The following SLC6A16 variants were observed in gnomAD, a reference collection of about 807,000 sequenced individuals.
The protein encoded by SLC6A16 is orphan sodium- and chloride-dependent neurotransmitter transporter NTT5.
Under a neutral mutation model 65.4 loss-of-function variants are expected in SLC6A16, and 54 were observed. That is an observed-to-expected ratio of 0.83 (90% CI 0.66 to 1.04). SLC6A16 has a LOEUF of 1.04. Ranked by LOEUF, SLC6A16 falls within the 50% of genes least tolerant of loss-of-function variation. SLC6A16 has a pLI of 0.00. For missense variants in SLC6A16, 816 were observed against 914.0 expected, an observed-to-expected ratio of 0.89 and a Z score of 1.38; for synonymous variants, 330 against 346.5, an observed-to-expected ratio of 0.95 and a Z score of 0.53.
chr19:49,309,920 C>T, intron 4 of SLC6A16, 94 bp from the exon 5 acceptor site: 1 of 1,522,302 alleles, frequency 6.6e-7, no homozygotes, highest in African/African-American at 1.4e-5. Flanking sequence ...TTTCCCTCTC[C>T]CATTTCTTTT....
intron 1 of SLC6A16, among the ~76,000 whole-genome samples, chr19:49,323,952 C>G (rs1228975435): frequency 6.6e-6 from 1 of 152,136 alleles, no homozygotes; most frequent in African/African-American, 2.4e-5. Context: ...ATTGCTTGAG[C>G]CCAGAAGTTC....
intron 5 of SLC6A16, 95 bp downstream of exon 5, chr19:49,309,556 C>CAGGGGAGTA: frequency 7.4e-7 from 1 of 1,344,894 alleles, no homozygotes; most frequent in Non-Finnish European, 1.0e-6. Flanking sequence ...GAGTAAAAGC[C>CAGGGGAGTA]AAAGGAGTAA....
At chr19:49,294,867 C>T (rs976272364) in intron 7 of SLC6A16, among the ~76,000 whole-genome samples, 20 of 152,048 alleles carry the variant, frequency 1.3e-4, no homozygotes, top group Non-Finnish European at 2.5e-4. Context: ...CTGAGACTAA[C>T]GGGTAAGAGC....
the SLC6A16 span, chr19:49,335,534 G>C: frequency 6.2e-7 from 1 of 1,612,198 alleles, no homozygotes; most frequent in Non-Finnish European, 8.5e-7. This position sits in a 1 kb window ranked among gnomAD's most constrained non-coding sequence, Gnocchi z 4.6. Context: ...TACCCCACTA[G>C]GTGAAGATGT....
the SLC6A16 span, chr19:49,331,881 G>A: frequency 8.8e-4 from 403 of 455,556 alleles, 5 homozygotes; most frequent in South Asian, 5.7e-3. Flanking sequence ...GCAGTGAGCC[G>A]TGATTGCACC....
upstream of SLC6A16, chr19:49,325,233 C>A: frequency 1.0e-6 from 1 of 984,976 alleles, no homozygotes; most frequent in Non-Finnish European, 1.2e-6. Context: ...TGCGCATGCG[C>A]CGCCGCGCCC....
chr19:49,340,197 C>A, the SLC6A16 span: 5 of 1,541,496 alleles, frequency 3.2e-6, no homozygotes, highest in Non-Finnish European at 4.5e-6. Context: ...GGGCATCACC[C>A]CCGTCTCGCC....
chr19:49,290,433 C>T (rs1388725645), intron 11 of SLC6A16, 41 bp from the exon 12 acceptor site: 8 of 1,590,644 alleles, frequency 5.0e-6, no homozygotes, highest in Non-Finnish European at 6.9e-6. Flanking sequence ...ATCAAAATCC[C>T]CAAGAGAAAA....
chr19:49,294,692 C>T, intron 7 of SLC6A16, 139 bp from the exon 8 acceptor site: 2 of 762,848 alleles, frequency 2.6e-6, no homozygotes, highest in Non-Finnish European at 4.1e-6. Context: ...GGGATGAATC[C>T]TAGAAGGCAC....
chr19:49,315,902 G>A (rs1185137441), intron 1 of SLC6A16, among the ~76,000 whole-genome samples: 2 of 152,022 alleles, frequency 1.3e-5, no homozygotes, highest in Non-Finnish European at 2.9e-5. Context: ...AACAATCAAT[G>A]AAACCAGCTA....
chr19:49,318,358 GA>G (rs941256316), intron 1 of SLC6A16, among the ~76,000 whole-genome samples: 33 of 146,460 alleles, frequency 2.3e-4, no homozygotes, highest in African/African-American at 4.2e-4. Flanking sequence ...CTTTAGACCT[GA>G]AAAAAAAAAA....
At chr19:49,337,973 G>A in the SLC6A16 span, 15 of 1,614,062 alleles carry the variant, frequency 9.3e-6, no homozygotes, top group Admixed American at 1.8e-4. Flanking sequence ...CCAAAAGTAC[G>A]GCACCAACCC....
chr19:49,335,688 C>A, the SLC6A16 span: 11 of 1,613,286 alleles, frequency 6.8e-6, no homozygotes, highest in Non-Finnish European at 8.5e-6. This position sits in a 1 kb window ranked among gnomAD's most constrained non-coding sequence, Gnocchi z 4.6. Flanking sequence ...GTGGCCCACC[C>A]CCGTATCCGC....
In SLC6A16 at chr19:49,309,023, G is replaced by T; in HGVS notation, c.1082C>A (p.Ala361Asp). ...GTTGTTGGACTGGGGCATGTAGGAG[G>T]CTAAGGAGGCAACGGAGCCAAGGCC... The part of the protein sequence containing the change: ...GIGLGSVASL[A>D]SYMPQSNNCL... Residue 361 changes from alanine (A) to aspartate (D), a missense_variant, in exon 7 of 12, where the codon GCC becomes GAC. Physicochemically the swap from Ala to Asp is moderately radical, Grantham distance 126. Transcript: ENST00000335875. 6.2e-7 allele frequency: 1 copy of T among 1,614,116 alleles called. No homozygotes were observed. The highest frequency in any genetic ancestry group is 1.1e-5 in the South Asian group (1 of 91,080).
chr19:49,340,172 C>G, the SLC6A16 span: 1 of 1,523,620 alleles, frequency 6.6e-7, no homozygotes, highest in Non-Finnish European at 9.0e-7. Context: ...CACCCCTGAC[C>G]TTTCTCGCCC....
chr19:49,307,050 A>AATTTTTTTTTTTTTT (rs1406151575), intron 7 of SLC6A16, among the ~76,000 whole-genome samples: 1 of 18,970 alleles, frequency 5.3e-5, no homozygotes, highest in Non-Finnish European at 8.9e-5. Flanking sequence ...TGTTTTATAC[A>AATTTTTTTTTTTTTT]CTTTTTTTTT....
rs138609044 is a variant in SLC6A16, at chr19:49,321,508, G to A, written c.-65+3540C>T. On this transcript the variant is annotated intron_variant, in intron 1 of 11. Transcript: ENST00000335875. ...CCCAGCACTTTGGGAGGCCAAGGCG[G>A]GTGGATCACCTGAGGTCAGGAGTTC... 4.5e-3 allele frequency among the ~76,000 whole-genome samples: 689 copies of A among 152,068 alleles called. 4 individuals carry two copies. Among genetic ancestry groups the A allele is most frequent in the African/African-American group, 0.016 (657 of 41,448 alleles).
the SLC6A16 span, chr19:49,332,197 A>G: frequency 6.6e-6 from 3 of 456,494 alleles, no homozygotes; most frequent in African/African-American, 4.0e-5. Flanking sequence ...TAGAACTCCA[A>G]TTTCTGTGTC....
At position 49,290,685 on chromosome 19, in the gene SLC6A16, C is replaced by T. The variant is rs1309444331; in HGVS notation, c.1861G>A (p.Val621Met). Reference protein sequence around the residue: ...GWLWPHLCPVVLLIIFVTMMV... With the variant: ...GWLWPHLCPVMLLIIFVTMMV... Reference sequence around the variant, plus strand: ...ATGGTCACAAAGATGATTAGCAGCACAACTGGACACAGATGGGGCCACAGC... The same window carrying T: ...ATGGTCACAAAGATGATTAGCAGCATAACTGGACACAGATGGGGCCACAGC... Residue 621 changes from valine to methionine, a missense_variant, in exon 11 of 12, where the codon GTG becomes ATG. Transcript: ENST00000335875. 1 of 1,613,944 alleles carries T rather than the reference C, an allele frequency of 6.2e-7. No individual in the cohort carries two copies. Among genetic ancestry groups the T allele is most frequent in the Non-Finnish European group, 8.5e-7 (1 of 1,179,952 alleles).
Sources: gnomAD v4.1 joint callset for allele counts (sites outside exome capture counted in the v4.1 genomes callset) on GRCh38, gnomAD v4.1.1 for gene constraint, Gnocchi (gnomAD v3.1) non-coding constraint, MANE v1.5 for transcripts, NCBI Gene and HGNC (gene_info 2026-07-23, HGNC 2026-07-21) for gene names.